Variants in ITSN2 observed in about 807,000 individuals in gnomAD.
ITSN2 encodes intersectin-2.
A neutral mutation model predicts 243.7 loss-of-function variants in ITSN2; 156 were observed. The observed-to-expected ratio is 0.64, with a 90% CI of 0.56 to 0.73. ITSN2 has a LOEUF of 0.73. Ranked by LOEUF, ITSN2 falls within the 30% of genes least tolerant of loss-of-function variation. The probability of loss-of-function intolerance (pLI) is 0.00; values close to 1 mark genes in which losing one functional copy is unlikely to be tolerated. For missense variants in ITSN2, 1,801 were observed against 1,996.1 expected (o/e 0.90, Z 1.86); for synonymous variants, 703 against 699.9 (o/e 1.00, Z -0.07).
chr2:24,334,621 G>A, intron 1 of ITSN2: 1 of 1,183,168 alleles, frequency 8.5e-7, no homozygotes, highest in Non-Finnish European at 1.2e-6. Flanking sequence ...TATGCCCAGG[G>A]AAAGTGGTGT....
intron 2 of ITSN2, among the ~76,000 whole-genome samples, chr2:24,323,003 A>T (rs1227998774): frequency 6.6e-6 from 1 of 152,084 alleles, no homozygotes; most frequent in Non-Finnish European, 1.5e-5. Flanking sequence ...AATTAAAATC[A>T]CAAAAAGGTA....
chr2:24,283,838 C>G (rs913624963), intron 17 of ITSN2, among the ~76,000 whole-genome samples: 1 of 152,220 alleles, frequency 6.6e-6, no homozygotes, highest in African/African-American at 2.4e-5. Context: ...TTAAACTTCA[C>G]TTTACAGATG....
At position 24,334,705 on chromosome 2, in the gene ITSN2, G is replaced by T. The variant is rs1334593950; in HGVS notation, c.-33-6590C>A. 3.8e-6 allele frequency: 6 copies of T among 1,585,450 alleles called. No individual in the cohort carries two copies. In the East Asian group the frequency reaches 1.1e-4, roughly 30 times the overall value. On this transcript the variant is annotated intron_variant, in intron 1 of 39. Coordinates refer to ENST00000355123, the MANE Select transcript of ITSN2 (RefSeq NM_006277.3). ...AGAAAAAGGCTAAAACTACAAAGAA[G>T]ATTGTGCTAAGGCTTGAGTGCGTTG... is the stretch of plus-strand genomic sequence containing the variant.
At chr2:24,220,726 GGGAAAGA>G (rs1424846296) in intron 30 of ITSN2, 10 of 1,344,856 alleles carry the variant, frequency 7.4e-6, no homozygotes, top group Non-Finnish European at 9.5e-6. Flanking sequence ...CCTCATCTGG[GGGAAAGA>G]GCTCATTAGA....
At chr2:24,339,147 C>T (rs1254868016) in intron 1 of ITSN2, among the ~76,000 whole-genome samples, 2 of 152,136 alleles carry the variant, frequency 1.3e-5, no homozygotes, top group East Asian at 1.9e-4. Context: ...TATTCAAAAA[C>T]TGTGCGATTT....
At chr2:24,236,959 G>A (rs1672234693) in intron 29 of ITSN2, among the ~76,000 whole-genome samples, 1 of 150,984 alleles carries the variant, frequency 6.6e-6, no homozygotes, top group Admixed American at 6.6e-5. Context: ...CCTCTCAAAA[G>A]TGCTGGGATT....
chr2:24,233,741 G>A (rs1222155819), intron 29 of ITSN2, among the ~76,000 whole-genome samples: 1 of 152,164 alleles, frequency 6.6e-6, no homozygotes, highest in Non-Finnish European at 1.5e-5. Flanking sequence ...CATGTGCAAT[G>A]TGGGTATTAT....
intron 28 of ITSN2, 61 bp from the exon 29 acceptor site, chr2:24,246,381 CA>C: frequency 2.2e-6 from 2 of 921,554 alleles, no homozygotes; most frequent in South Asian, 3.9e-5. Context: ...AAGGGTCAAT[CA>C]TTTGTAATCT....
intron 1 of ITSN2, among the ~76,000 whole-genome samples, chr2:24,342,349 T>G (rs1687122998): frequency 6.6e-6 from 1 of 151,794 alleles, no homozygotes; most frequent in Admixed American, 6.6e-5. Context: ...AAGAGCACGC[T>G]GCCAAGCCCG....
chr2:24,348,277 C>A (rs1038152888), intron 1 of ITSN2, among the ~76,000 whole-genome samples: 1 of 145,662 alleles, frequency 6.9e-6, no homozygotes, highest in Admixed American at 7.1e-5. Flanking sequence ...TGGGTTCAAG[C>A]GATTCTCCTG....
intron 8 of ITSN2, among the ~76,000 whole-genome samples, chr2:24,305,372 C>T (rs374968459): frequency 2.0e-5 from 3 of 152,000 alleles, no homozygotes; most frequent in Admixed American, 2.0e-4. Context: ...GAGACCAAGG[C>T]GGGCGGATCA....
intron 39 of ITSN2, 40 bp from the exon 40 acceptor site, chr2:24,203,823 T>A (rs1400901603): frequency 1.9e-6 from 3 of 1,570,468 alleles, no homozygotes; most frequent in Non-Finnish European, 2.6e-6. Flanking sequence ...TCTTTCTTCT[T>A]TATAAAATCA....
intron 20 of ITSN2, among the ~76,000 whole-genome samples, chr2:24,269,120 T>C (rs1677040455): frequency 6.6e-6 from 1 of 152,060 alleles, no homozygotes; most frequent in South Asian, 2.1e-4. Flanking sequence ...TAATAATTCC[T>C]TCAGTGTCCA....
intron 1 of ITSN2, chr2:24,334,856 G>A (rs1257801971): frequency 3.3e-6 from 2 of 602,256 alleles, no homozygotes; most frequent in Admixed American, 2.5e-5. Context: ...GAGGTCAGGA[G>A]ATCGAGACCA....
chr2:24,241,566 T>A (rs1672734880), intron 29 of ITSN2: 2 of 152,544 alleles, frequency 1.3e-5, no homozygotes, highest in South Asian at 4.1e-4. Context: ...ATGTTGTTAT[T>A]CCCATCCCAA....
intron 18 of ITSN2, 80 bp downstream of exon 18, chr2:24,275,633 T>A: frequency 8.4e-7 from 1 of 1,196,768 alleles, no homozygotes; most frequent in South Asian, 1.6e-5. Flanking sequence ...TTTCCTTAAA[T>A]TTTCATAAAC....
intron 27 of ITSN2, 85 bp downstream of exon 27, chr2:24,248,544 A>G: frequency 8.5e-7 from 1 of 1,179,840 alleles, no homozygotes; most frequent in Non-Finnish European, 1.2e-6. Context: ...TGGGTGATCT[A>G]AAAATTTTTA....
intron 1 of ITSN2, among the ~76,000 whole-genome samples, chr2:24,342,784 TAC>T (rs1380353107): frequency 6.6e-6 from 1 of 151,842 alleles, no homozygotes; most frequent in East Asian, 1.9e-4. Context: ...GAAGATTACT[TAC>T]TCACATGAAA....
At chr2:24,301,348 A>C (rs1367981493) in intron 10 of ITSN2, 109 bp from the exon 11 acceptor site, 21 of 558,820 alleles carry the variant, frequency 3.8e-5, no homozygotes, top group Non-Finnish European at 6.7e-5. Context: ...ATACAGTATT[A>C]AAGATATTTA....
Sources: gnomAD v4.1 joint callset for allele counts (sites outside exome capture counted in the v4.1 genomes callset) on GRCh38, gnomAD v4.1.1 for gene constraint, MANE v1.5 for transcripts, NCBI Gene and HGNC (gene_info 2026-07-23, HGNC 2026-07-21) for gene names.